Variants in RRAS2 observed in about 807,000 individuals in gnomAD.
RRAS2 encodes the protein ras-related protein R-Ras2.
In RRAS2, 7 loss-of-function variants were observed where a neutral mutation model predicts 27.6. The ratio of observed to expected loss-of-function variants is 0.25; its 90% CI spans 0.14 to 0.48. The LOEUF (loss-of-function observed/expected upper bound fraction) is 0.48, where lower values mean the gene tolerates loss of function less well. Ranked by LOEUF, RRAS2 falls within the 20% of genes least tolerant of loss-of-function variation. The pLI is 0.99. For missense variants in RRAS2, 178 were observed against 256.2 expected (o/e 0.69, Z 2.08); for synonymous variants, 86 against 90.9 (o/e 0.95, Z 0.31).
chr11:14,352,465 A>G (rs1848975976), intron 1 of RRAS2, among the ~76,000 whole-genome samples: 1 of 152,200 alleles, frequency 6.6e-6, no homozygotes, highest in Non-Finnish European at 1.5e-5. Context: ...AGGCCTACCA[A>G]CTACAAGTTT....
At chr11:14,330,559 G>A (rs1848463351) in intron 1 of RRAS2, among the ~76,000 whole-genome samples, 1 of 152,126 alleles carries the variant, frequency 6.6e-6, no homozygotes, top group African/African-American at 2.4e-5. Context: ...ACCATACTCA[G>A]AAACTTAAAT....
At chr11:14,328,726 G>A (rs1008450962) in intron 1 of RRAS2, among the ~76,000 whole-genome samples, 9 of 151,528 alleles carry the variant, frequency 5.9e-5, no homozygotes, top group Admixed American at 3.9e-4. Flanking sequence ...GTGCAATGGC[G>A]TGACCTCTGC....
At chr11:14,339,882 G>A (rs1848664883) in intron 1 of RRAS2, among the ~76,000 whole-genome samples, 1 of 151,920 alleles carries the variant, frequency 6.6e-6, no homozygotes, top group African/African-American at 2.4e-5. Context: ...GGGAGGCTGA[G>A]GTGGGCAGAT....
chr11:14,296,529 G>C (rs1465361645), intron 1 of RRAS2, among the ~76,000 whole-genome samples: 2 of 152,160 alleles, frequency 1.3e-5, no homozygotes, highest in Middle Eastern at 3.2e-3. Context: ...AGACCTATTT[G>C]AATTAGCAAC....
At chr11:14,341,822 G>A in intron 1 of RRAS2, 1 of 454,384 alleles carries the variant, frequency 2.2e-6, no homozygotes, top group Non-Finnish European at 4.4e-6. Flanking sequence ...CCCGACTTAG[G>A]AAACAAAACA....
intron 4 of RRAS2, among the ~76,000 whole-genome samples, chr11:14,289,425 A>T (rs1037156414): frequency 6.6e-6 from 1 of 152,224 alleles, no homozygotes; most frequent in Non-Finnish European, 1.5e-5. Context: ...CCACTGTCTA[A>T]GCCAACATAC....
intron 1 of RRAS2, among the ~76,000 whole-genome samples, chr11:14,349,503 C>G (rs564001035): frequency 6.6e-6 from 1 of 152,094 alleles, no homozygotes; most frequent in Non-Finnish European, 1.5e-5. Flanking sequence ...ATGCCACTAT[C>G]TGCAATTCCA....
chr11:14,312,787 A>T (rs2133985584), intron 1 of RRAS2, among the ~76,000 whole-genome samples: 1 of 152,360 alleles, frequency 6.6e-6, no homozygotes, highest in East Asian at 1.9e-4. Context: ...TAAAATTCAA[A>T]AAAGCAATCT....
chr11:14,314,150 C>A (rs1412266769), intron 1 of RRAS2, among the ~76,000 whole-genome samples: 1 of 152,178 alleles, frequency 6.6e-6, no homozygotes, highest in Non-Finnish European at 1.5e-5. Context: ...ATAACCTGAT[C>A]TTAAATTGTT....
At chr11:14,287,871 C>CAAA (rs34954723) in intron 4 of RRAS2, among the ~76,000 whole-genome samples, 6 of 118,964 alleles carry the variant, frequency 5.0e-5, no homozygotes, top group South Asian at 2.7e-4. Context: ...GACTCTGTCT[C>CAAA]AAAAAAAAAA....
intron 1 of RRAS2, among the ~76,000 whole-genome samples, chr11:14,339,655 AAAAG>A (rs1187484976): frequency 2.3e-4 from 35 of 152,234 alleles, no homozygotes; most frequent in South Asian, 4.1e-4. Context: ...ACTAAAGTTA[AAAAG>A]AAAGAAAGAA....
intron 1 of RRAS2, among the ~76,000 whole-genome samples, chr11:14,324,087 G>GAGT (rs1455344246): frequency 6.6e-6 from 1 of 151,494 alleles, no homozygotes; most frequent in African/African-American, 2.4e-5. Context: ...CATTACATTG[G>GAGT]AGGTCCTAGT....
chr11:14,298,081 A>C (rs151089502), intron 1 of RRAS2, among the ~76,000 whole-genome samples: 3 of 152,122 alleles, frequency 2.0e-5, no homozygotes, highest in African/African-American at 7.2e-5. Context: ...TTTTACTGGC[A>C]ACAATATTCT....
chr11:14,286,311 T>C lies in RRAS2; in HGVS notation c.409-4591A>G, dbSNP rs555158403. Among the ~76,000 whole-genome samples the C allele has an allele frequency of 4.6e-5, 7 of 152,314 alleles. No individual in the cohort carries two copies. The South Asian group carries it at 1.4e-3, about 32-fold the overall frequency. On this transcript the variant is annotated intron_variant, in intron 4 of 5. Transcript: ENST00000256196. ...TTTTACGTATCAGGTATCAGATATTTTGTATTCCTAAACACATTCCTGAGC... is the reference window on the plus strand; with the variant it reads ...TTTTACGTATCAGGTATCAGATATTCTGTATTCCTAAACACATTCCTGAGC...
intron 1 of RRAS2, among the ~76,000 whole-genome samples, chr11:14,326,578 G>A (rs1391828496): frequency 1.3e-5 from 2 of 151,994 alleles, no homozygotes; most frequent in African/African-American, 4.8e-5. Context: ...AATTTTAAGG[G>A]GTAAAAGTTC....
chr11:14,313,421 T>C (rs147521332), intron 1 of RRAS2, among the ~76,000 whole-genome samples: 194 of 152,362 alleles, frequency 1.3e-3, no homozygotes, highest in African/African-American at 4.3e-3. Context: ...TCATAGTGCT[T>C]ATTTGCAAAT....
At chr11:14,354,834 G>A (rs1269015193) in intron 1 of RRAS2, among the ~76,000 whole-genome samples, 2 of 151,728 alleles carry the variant, frequency 1.3e-5, no homozygotes, top group Non-Finnish European at 2.9e-5. Flanking sequence ...GCACCAACAC[G>A]CCCGGCTAAT....
intron 1 of RRAS2, among the ~76,000 whole-genome samples, chr11:14,323,871 G>C (rs1467072015): frequency 6.6e-6 from 1 of 151,258 alleles, no homozygotes; most frequent in Non-Finnish European, 1.5e-5. Flanking sequence ...TTCAGGAACA[G>C]AATATATAGA....
At chr11:14,341,068 T>C (rs1430113870) in intron 1 of RRAS2, among the ~76,000 whole-genome samples, 2 of 152,168 alleles carry the variant, frequency 1.3e-5, no homozygotes, top group East Asian at 1.9e-4. Context: ...ATTCCTGTCA[T>C]ACGCAAAGCC....
Sources: allele counts gnomAD v4.1 joint callset (sites outside exome capture counted in the v4.1 genomes callset), GRCh38; gene constraint gnomAD v4.1.1; transcripts MANE v1.5; gene names NCBI Gene and HGNC (gene_info 2026-07-23, HGNC 2026-07-21).